Variants in VSNL1 observed in about 807,000 individuals in gnomAD.
The protein encoded by VSNL1 is visinin-like protein 1.
VSNL1 carries 6 observed loss-of-function variants against 20.4 expected under a neutral mutation model. The observed-to-expected ratio is 0.29, with a 90% CI of 0.16 to 0.58. The LOEUF is 0.58. Among genes scored for constraint, VSNL1 ranks in the 20% least tolerant of loss-of-function variants. The pLI is 0.90. For synonymous variants in VSNL1, 93 were observed against 86.4 expected (o/e 1.08, Z -0.42); for missense variants, 100 against 234.5 (o/e 0.43, Z 3.75).
intron 2 of VSNL1, among the ~76,000 whole-genome samples, chr2:17,594,645 G>A (rs749098297): frequency 3.8e-4 from 58 of 152,160 alleles, no homozygotes; most frequent in Admixed American, 8.5e-4. Context: ...TGCAACTGAG[G>A]GAGCAAAGCT....
chr2:17,577,193 T>A (rs926650847), intron 1 of VSNL1, among the ~76,000 whole-genome samples: 2 of 152,230 alleles, frequency 1.3e-5, no homozygotes, highest in Non-Finnish European at 2.9e-5. Context: ...TATAGTCCAT[T>A]GTTGAGTGAA....
chr2:17,592,799 A>G (rs1304760165), intron 2 of VSNL1, among the ~76,000 whole-genome samples: 1 of 151,826 alleles, frequency 6.6e-6, no homozygotes, highest in African/African-American at 2.4e-5. Context: ...ATAGACAATA[A>G]CTCAACACTG....
At chr2:17,556,497 AT>A (rs755785250) in intron 1 of VSNL1, among the ~76,000 whole-genome samples, 2 of 152,180 alleles carry the variant, frequency 1.3e-5, no homozygotes, top group Non-Finnish European at 2.9e-5. Flanking sequence ...ATGGCTTCTG[AT>A]TCCTTGCCTG....
chr2:17,548,419 G>A (rs964203159), intron 1 of VSNL1, among the ~76,000 whole-genome samples: 1 of 151,946 alleles, frequency 6.6e-6, no homozygotes, highest in Non-Finnish European at 1.5e-5. Context: ...AAATTCTGAG[G>A]TTTCTTTGTA....
chr2:17,542,638 C>T (rs1279101823), intron 1 of VSNL1, among the ~76,000 whole-genome samples: 2 of 152,114 alleles, frequency 1.3e-5, no homozygotes, highest in Admixed American at 6.6e-5. Flanking sequence ...TACTCCAGGG[C>T]AGAAGGACTA....
rs1300665317 is a variant in VSNL1, at chr2:17,552,216, A to AC, written c.-6+11298_-6+11299insC. Among the ~76,000 whole-genome samples, 19 of 151,672 alleles carry AC rather than the reference A, an allele frequency of 1.3e-4. No individual in the cohort carries two copies. In the East Asian group the frequency reaches 3.5e-3, roughly 28 times the overall value. On this transcript the variant is annotated intron_variant, in intron 1 of 3. Coordinates refer to ENST00000295156, the MANE Select transcript of VSNL1 (RefSeq NM_003385.5). ...TTCCATCTCAAAAAAAAAAAAACAA[A>AC]AAAAAACTTAGCACGTACAGTGCTC...
chr2:17,601,251 G>T (rs1664813224), intron 2 of VSNL1, among the ~76,000 whole-genome samples: 1 of 152,180 alleles, frequency 6.6e-6, no homozygotes, highest in Non-Finnish European at 1.5e-5. Flanking sequence ...GCCCTTGAAT[G>T]AGGGTTTAAA....
chr2:17,551,236 A>G (rs62130450), intron 1 of VSNL1, among the ~76,000 whole-genome samples: 4,466 of 152,312 alleles, frequency 0.029, 65 homozygotes, highest in Middle Eastern at 0.054. Context: ...CTCCCTAGAA[A>G]CAGCAGAGCA....
At chr2:17,567,425 C>G (rs1663976875) in intron 1 of VSNL1, 1 of 140,398 alleles carries the variant, frequency 7.1e-6, no homozygotes, top group Non-Finnish European at 1.5e-5. Flanking sequence ...GTGGCGCGAT[C>G]TCGGCCCCCT....
intron 2 of VSNL1, among the ~76,000 whole-genome samples, chr2:17,623,053 A>G (rs1490908025): frequency 6.6e-6 from 1 of 152,204 alleles, no homozygotes; most frequent in Non-Finnish European, 1.5e-5. Flanking sequence ...ATCCATAGCT[A>G]GTGCATATTA....
chr2:17,550,078 G>A (rs1406664408), intron 1 of VSNL1, among the ~76,000 whole-genome samples: 2 of 152,096 alleles, frequency 1.3e-5, no homozygotes, highest in African/African-American at 2.4e-5. Flanking sequence ...GAGATATTGT[G>A]AGCATACTTC....
At chr2:17,648,820 C>G (rs1217245855) in intron 2 of VSNL1, among the ~76,000 whole-genome samples, 1 of 152,178 alleles carries the variant, frequency 6.6e-6, no homozygotes, top group Non-Finnish European at 1.5e-5. Flanking sequence ...AAAATAAGCC[C>G]AGTCATGTTC....
intron 2 of VSNL1, 95 bp downstream of exon 2, chr2:17,592,331 C>T (rs1664609673): frequency 6.7e-6 from 9 of 1,341,818 alleles, no homozygotes; most frequent in Middle Eastern, 2.3e-4. Context: ...CTCTAAGTAG[C>T]TAGTTTGTTT....
chr2:17,633,532 AAAAATT>A (rs529597275), intron 2 of VSNL1, among the ~76,000 whole-genome samples: 329 of 152,080 alleles, frequency 2.2e-3, no homozygotes, highest in African/African-American at 7.5e-3. Flanking sequence ...AAGAAAAAAA[AAAAATT>A]AAAAGTAAGA....
chr2:17,562,841 T>C (rs1311792879), intron 1 of VSNL1, among the ~76,000 whole-genome samples: 1 of 152,202 alleles, frequency 6.6e-6, no homozygotes, highest in Non-Finnish European at 1.5e-5. Flanking sequence ...TGATGAATGA[T>C]CTGGTGCCAT....
chr2:17,552,716 C>T (rs969165937), intron 1 of VSNL1, among the ~76,000 whole-genome samples: 7 of 152,106 alleles, frequency 4.6e-5, no homozygotes, highest in African/African-American at 1.7e-4. Context: ...GTGTTCAAAT[C>T]TCCTAAGTAT....
At position 17,547,216 on chromosome 2, in the gene VSNL1, C is replaced by CTCTCA. The variant is rs563114680; in HGVS notation, c.-6+6299_-6+6303dup. Among the ~76,000 whole-genome samples the CTCTCA allele has an allele frequency of 1.1e-3, 174 of 152,100 alleles. No individual in the cohort carries two copies. In the Middle Eastern group the frequency reaches 0.034, roughly 30 times the overall value. ...TGTGACCTTGAATAAATTGTTTAAA[C>CTCTCA]TCTCAGCCTCAGTTTCTAATAGTAA... On this transcript the variant is annotated intron_variant, in intron 1 of 3. Transcript: ENST00000295156.
rs1572223526 is a variant in VSNL1, at chr2:17,649,093, T to C, written c.163-317T>C. Among the ~76,000 whole-genome samples, 1 of 152,128 alleles carries C rather than the reference T, an allele frequency of 6.6e-6. No individual in the cohort carries two copies. The highest frequency in any genetic ancestry group is 2.1e-4 in the South Asian group (1 of 4,828). ...CTGCTGTCTGCCTCAGTCCTGTTCCTGGGGGGAGTGAGCTGAGATGCTGCA... is the reference window on the plus strand; with the variant it reads ...CTGCTGTCTGCCTCAGTCCTGTTCCCGGGGGGAGTGAGCTGAGATGCTGCA... On this transcript the variant is annotated intron_variant, in intron 2 of 3. Coordinates refer to ENST00000295156, the MANE Select transcript of VSNL1 (RefSeq NM_003385.5). The surrounding 1 kb of genome is among the most constrained non-coding windows in gnomAD (Gnocchi z 6.4).
chr2:17,568,081 CTTATA>C (rs1221795894), intron 1 of VSNL1, among the ~76,000 whole-genome samples: 1 of 152,068 alleles, frequency 6.6e-6, no homozygotes, highest in Non-Finnish European at 1.5e-5. Context: ...CATCTATCTT[CTTATA>C]TTATATTTTT....
Sources: gnomAD v4.1 joint callset for allele counts (sites outside exome capture counted in the v4.1 genomes callset) on GRCh38, gnomAD v4.1.1 for gene constraint, Gnocchi (gnomAD v3.1) non-coding constraint, MANE v1.5 for transcripts, NCBI Gene and HGNC (gene_info 2026-07-23, HGNC 2026-07-21) for gene names.